ANKRD30BL: variants seen among roughly 807,000 people sequenced by gnomAD.
The protein encoded by ANKRD30BL is putative ankyrin repeat domain-containing protein 30B-like.
Under a neutral mutation model 18.4 loss-of-function variants are expected in ANKRD30BL, and 20 were observed. The ratio of observed to expected loss-of-function variants is 1.09; its 90% confidence interval spans 0.77 to 1.58. The LOEUF (loss-of-function observed/expected upper bound fraction) is 1.58, where lower values mean the gene tolerates loss of function less well. Ranked by LOEUF, ANKRD30BL falls within the 40% of genes most tolerant of loss-of-function variation. ANKRD30BL has a pLI of 0.00. For synonymous variants in ANKRD30BL, 72 were observed against 100.9 expected (o/e 0.71, Z 1.72); for missense variants, 224 against 268.6 (o/e 0.83, Z 1.16).
At chr2:132,171,605 C>T (rs552971869) in intron 1 of ANKRD30BL, among the ~76,000 whole-genome samples, 21 of 152,248 alleles carry the variant, frequency 1.4e-4, no homozygotes, top group African/African-American at 5.1e-4. Context: ...TATCACATTT[C>T]CAATTCCCTT....
chr2:132,231,511 G>A (rs942109212), intron 1 of ANKRD30BL, among the ~76,000 whole-genome samples: 4 of 152,214 alleles, frequency 2.6e-5, no homozygotes, highest in Non-Finnish European at 5.9e-5. Context: ...GCAGGGCGAT[G>A]CATTGCCTCA....
chr2:132,255,825 A>G (rs77350369), intron 1 of ANKRD30BL, among the ~76,000 whole-genome samples: 1 of 152,168 alleles, frequency 6.6e-6, no homozygotes, highest in Non-Finnish European at 1.5e-5. Flanking sequence ...CGACTACCAT[A>G]GAAAGTTGAT....
chr2:132,256,628 C>G (rs1189933305), intron 1 of ANKRD30BL, among the ~76,000 whole-genome samples: 1 of 152,198 alleles, frequency 6.6e-6, no homozygotes, highest in Non-Finnish European at 1.5e-5. Flanking sequence ...GCTTCCCCAC[C>G]GCCGCCACTG....
intron 1 of ANKRD30BL, among the ~76,000 whole-genome samples, chr2:132,187,188 G>GTTTTTTTTTTTTTTTTTTTTTT (rs1193358076): frequency 4.4e-5 from 4 of 90,616 alleles, no homozygotes; most frequent in East Asian, 3.4e-4. Context: ...TTTTTTGTTT[G>GTTTTTTTTTTTTTTTTTTTTTT]TTTTTTTTTT....
intron 1 of ANKRD30BL, among the ~76,000 whole-genome samples, chr2:132,210,581 T>C (rs1303394223): frequency 6.6e-6 from 1 of 151,986 alleles, no homozygotes; most frequent in Non-Finnish European, 1.5e-5. Context: ...GAAACTACTT[T>C]GTGATGTGTG....
chr2:132,175,644 C>T (rs1045542015), intron 1 of ANKRD30BL, among the ~76,000 whole-genome samples: 1 of 152,202 alleles, frequency 6.6e-6, no homozygotes. Flanking sequence ...TCCCATGAGG[C>T]CATATTTCAG....
At chr2:132,186,247 T>A (rs955059406) in intron 1 of ANKRD30BL, among the ~76,000 whole-genome samples, 6 of 152,174 alleles carry the variant, frequency 3.9e-5, no homozygotes, top group African/African-American at 1.4e-4. Context: ...AACTAATAGT[T>A]AATAAGAAAA....
In ANKRD30BL at chr2:132,242,850, G is replaced by T. The variant is rs568962679; in HGVS notation, n.441+14679C>A. ...GAATCTGCAAGTGGCCATTTTGTGC[G>T]ATTTGAGACCTGTGGTGAAAAAGGA... On this transcript the variant is annotated intron_variant and non_coding_transcript_variant, in intron 1 of 4. Transcript: ENST00000470729. Among the ~76,000 whole-genome samples, 165 of 151,586 alleles carry T rather than the reference G, an allele frequency of 1.1e-3. 1 individual carries two copies. Among genetic ancestry groups the T allele is most frequent in the Admixed American group, 8.8e-3 (133 of 15,154 alleles).
intron 1 of ANKRD30BL, among the ~76,000 whole-genome samples, chr2:132,233,704 CA>C (rs1013083515): frequency 2.0e-5 from 3 of 147,352 alleles, no homozygotes; most frequent in Non-Finnish European, 4.5e-5. Flanking sequence ...GAGTGACCTA[CA>C]AAGAGACTTA....
intron 1 of ANKRD30BL, among the ~76,000 whole-genome samples, chr2:132,251,715 A>C (rs1233426858): frequency 6.6e-6 from 1 of 152,234 alleles, no homozygotes; most frequent in Non-Finnish European, 1.5e-5. Flanking sequence ...AATCAATACC[A>C]AACAAAACAA....
At chr2:132,196,026 C>T (rs1169456559) in intron 1 of ANKRD30BL, among the ~76,000 whole-genome samples, 2 of 150,912 alleles carry the variant, frequency 1.3e-5, no homozygotes, top group African/African-American at 4.9e-5. Context: ...CCTGTAGTCC[C>T]AGCTATTCGG....
rs913088709 is a variant in ANKRD30BL, at chr2:132,220,536, G to GT, written n.441+36992dup. The stretch of plus-strand genomic sequence containing the variant: ...GCGTCGCCACGCCTGACTGGTTTTC[G>GT]TTTTTTTTTGGTGGAGACGGGGTTT... On this transcript the variant is annotated intron_variant and non_coding_transcript_variant, in intron 1 of 4. Transcript: ENST00000470729. 6.6e-5 allele frequency among the ~76,000 whole-genome samples: 10 copies of GT among 150,654 alleles called. 1 individual carries two copies. The highest frequency in any genetic ancestry group is 6.9e-3 in the Middle Eastern group (2 of 290).
At chr2:132,169,644 T>TAA (rs60507906) in intron 1 of ANKRD30BL, among the ~76,000 whole-genome samples, 13,956 of 90,250 alleles carry the variant, frequency 0.15, 1,264 homozygotes, top group African/African-American at 0.24. Flanking sequence ...ATACTCTGTC[T>TAA]AAAAAAAAAA....
intron 1 of ANKRD30BL, among the ~76,000 whole-genome samples, chr2:132,185,326 A>C (rs1688544096): frequency 1.3e-5 from 2 of 152,220 alleles, no homozygotes; most frequent in Admixed American, 6.5e-5. Context: ...AGAAGAAGGC[A>C]GTCCCTACCT....
At position 132,231,313 on chromosome 2, in the gene ANKRD30BL, C is replaced by T. The variant is rs117143547; in HGVS notation, n.441+26216G>A. On this transcript the variant is annotated intron_variant and non_coding_transcript_variant, in intron 1 of 4. Transcript: ENST00000470729. ...ACCGCTTTGAGGCCTTCATTGAAAA[C>T]GGGAATGTCGAAGGGGGAGGAGCCA... Among the ~76,000 whole-genome samples, 375 of 152,174 alleles carry T rather than the reference C, an allele frequency of 2.5e-3. 9 individuals are homozygous for T. In the East Asian group the frequency reaches 0.056, roughly 23 times the overall value.
chr2:132,197,961 AT>A (rs1678998598), intron 1 of ANKRD30BL, among the ~76,000 whole-genome samples: 1 of 151,866 alleles, frequency 6.6e-6, no homozygotes, highest in South Asian at 2.1e-4. Context: ...AAGAAATACC[AT>A]TGTGTATTTT....
chr2:132,176,664 G>T (rs1688371783), intron 1 of ANKRD30BL, among the ~76,000 whole-genome samples: 1 of 152,168 alleles, frequency 6.6e-6, no homozygotes, highest in African/African-American at 2.4e-5. Flanking sequence ...GCTGGTGCCT[G>T]CCTGTGATCC....
intron 1 of ANKRD30BL, among the ~76,000 whole-genome samples, chr2:132,174,584 G>A (rs906105572): frequency 1.3e-5 from 2 of 152,114 alleles, no homozygotes; most frequent in Non-Finnish European, 2.9e-5. Flanking sequence ...ACATTTTTAA[G>A]AAAGAAAGAT....
intron 1 of ANKRD30BL, among the ~76,000 whole-genome samples, chr2:132,210,584 G>T (rs1373699795): frequency 6.6e-6 from 1 of 151,976 alleles, no homozygotes; most frequent in Non-Finnish European, 1.5e-5. Flanking sequence ...ACTACTTTGT[G>T]ATGTGTGCAT....
Sources: gnomAD v4.1 joint callset for allele counts (sites outside exome capture counted in the v4.1 genomes callset) on GRCh38, gnomAD v4.1.1 for gene constraint, MANE v1.5 for transcripts, NCBI Gene and HGNC (gene_info 2026-07-23, HGNC 2026-07-21) for gene names.